The following LRRC7 variants were observed in gnomAD, a reference collection of about 807,000 sequenced individuals.
LRRC7 encodes the protein leucine-rich repeat-containing protein 7.
LRRC7 carries 23 observed loss-of-function variants against 175.7 expected under a neutral mutation model. That is an observed-to-expected ratio of 0.13 (90% CI 0.09 to 0.19). LRRC7 has a LOEUF of 0.19. Among genes scored for constraint, LRRC7 ranks in the 10% least tolerant of loss-of-function variants. LRRC7 has a pLI of 1.00. For synonymous variants in LRRC7, 685 were observed against 680.9 expected, an observed-to-expected ratio of 1.01 and a Z score of -0.09; for missense variants, 1,354 against 1,904.7, an observed-to-expected ratio of 0.71 and a Z score of 5.38.
Position 69,954,082 on chromosome 1 carries a change from G to A in LRRC7, c.711+22512G>A, listed in dbSNP as rs1209637273. ...GTAGTTTCTCAAACACTGTGGAATT[G>A]GTCTACGTTAATGGGGTGACTTATG... On this transcript the variant is annotated intron_variant, in intron 8 of 26. Transcript: ENST00000651989. 2.6e-5 allele frequency among the ~76,000 whole-genome samples: 4 copies of A among 151,984 alleles called. No homozygotes were observed. In the East Asian group the frequency reaches 5.8e-4, roughly 22 times the overall value.
chr1:70,134,045 C>G lies in LRRC7; in HGVS notation c.*12158C>G, dbSNP rs1344949713. 2.0e-5 allele frequency among the ~76,000 whole-genome samples: 3 copies of G among 152,186 alleles called. No homozygotes were observed. Among genetic ancestry groups the G allele is most frequent in the African/African-American group, 7.2e-5 (3 of 41,444 alleles). ...CATCTGGGTATAGCTTTATTTCCAT[C>G]TGGCAATAACTAGGCATCTACAATA... On this transcript the variant is annotated 3_prime_UTR_variant, in exon 27 of 27. Transcript: ENST00000651989.
At chr1:69,926,820 A>C (rs912736996) in intron 7 of LRRC7, among the ~76,000 whole-genome samples, 3 of 152,224 alleles carry the variant, frequency 2.0e-5, no homozygotes, top group Admixed American at 1.3e-4. Flanking sequence ...TAAAGTTAAC[A>C]TTGTTATGTG....
intron 4 of LRRC7, among the ~76,000 whole-genome samples, chr1:69,820,140 T>G (rs986900803): frequency 1.1e-4 from 17 of 152,106 alleles, no homozygotes; most frequent in Non-Finnish European, 2.2e-4. Context: ...GTGATTTAAT[T>G]TTATATGGTG....
At chr1:69,971,717 A>G (rs189239794) in intron 8 of LRRC7, among the ~76,000 whole-genome samples, 149 of 152,296 alleles carry the variant, frequency 9.8e-4, no homozygotes, top group African/African-American at 3.2e-3. Context: ...TACAAATTCA[A>G]TGCAACTCCC....
intron 7 of LRRC7, among the ~76,000 whole-genome samples, chr1:69,907,184 T>C (rs1447444096): frequency 4.6e-5 from 7 of 152,210 alleles, no homozygotes; most frequent in Non-Finnish European, 8.8e-5. Flanking sequence ...GTTTTCTAAA[T>C]ATACAATCAT....
intron 4 of LRRC7, among the ~76,000 whole-genome samples, chr1:69,795,870 A>T (rs989087192): frequency 1.3e-5 from 2 of 151,984 alleles, no homozygotes; most frequent in Admixed American, 1.3e-4. Flanking sequence ...TATTGTGTAC[A>T]GAAAGATATC....
chr1:69,658,365 G>C (rs1311208490), intron 1 of LRRC7, among the ~76,000 whole-genome samples: 1 of 151,908 alleles, frequency 6.6e-6, no homozygotes, highest in Non-Finnish European at 1.5e-5. Context: ...TAAACACCCT[G>C]AAAGTACCTT....
intron 7 of LRRC7, among the ~76,000 whole-genome samples, chr1:69,850,774 T>C (rs193173799): frequency 6.6e-6 from 1 of 152,210 alleles, no homozygotes; most frequent in Admixed American, 6.6e-5. Context: ...ATTGGGAATT[T>C]GATATTGGCA....
intron 7 of LRRC7, among the ~76,000 whole-genome samples, chr1:69,884,737 A>G (rs1156554185): frequency 6.8e-6 from 1 of 146,402 alleles, no homozygotes; most frequent in African/African-American, 2.6e-5. Context: ...ATTCAGTATG[A>G]TATTGGCTGT....
At chr1:69,640,162 T>C (rs1204726235) in intron 1 of LRRC7, among the ~76,000 whole-genome samples, 1 of 151,750 alleles carries the variant, frequency 6.6e-6, no homozygotes, top group Non-Finnish European at 1.5e-5. Context: ...CATTTTACTG[T>C]TGTTAGTTTT....
intron 1 of LRRC7, among the ~76,000 whole-genome samples, chr1:69,603,229 A>G (rs1283391722): frequency 6.6e-6 from 1 of 152,198 alleles, no homozygotes; most frequent in Admixed American, 6.5e-5. Context: ...CTATTCCCAA[A>G]TAAAGTTATA....
At chr1:69,624,079 T>G (rs1651094051) in intron 1 of LRRC7, among the ~76,000 whole-genome samples, 2 of 152,120 alleles carry the variant, frequency 1.3e-5, no homozygotes, top group South Asian at 4.1e-4. Context: ...AAAAAACATA[T>G]ACTCAACTCC....
At chr1:70,055,113 A>G (rs1045509385) in intron 23 of LRRC7, among the ~76,000 whole-genome samples, 2 of 152,078 alleles carry the variant, frequency 1.3e-5, no homozygotes, top group Admixed American at 1.3e-4. Flanking sequence ...TAATTTGACT[A>G]TTGGGTAATA....
chr1:70,042,024 G>A (rs1659946784), intron 21 of LRRC7, among the ~76,000 whole-genome samples: 1 of 152,166 alleles, frequency 6.6e-6, no homozygotes, highest in Non-Finnish European at 1.5e-5. Context: ...AGTTCCCTAG[G>A]TGTCTTTCAT....
intron 23 of LRRC7, among the ~76,000 whole-genome samples, chr1:70,061,781 G>A (rs1001774480): frequency 3.9e-5 from 6 of 152,134 alleles, no homozygotes; most frequent in South Asian, 2.1e-4. Flanking sequence ...CTAGATCTAC[G>A]GAAATGCAAC....
chr1:69,917,972 T>C (rs1041400874), intron 7 of LRRC7, among the ~76,000 whole-genome samples: 6 of 152,226 alleles, frequency 3.9e-5, no homozygotes, highest in African/African-American at 1.2e-4. Context: ...CATGTGATTT[T>C]CATAACAAGT....
rs1666484665 is a variant in LRRC7 at position 70,127,115 on chromosome 1, T to A, written c.*5228T>A. Among the ~76,000 whole-genome samples the A allele has an allele frequency of 1.3e-5, 2 of 152,214 alleles. No homozygotes were observed. Among genetic ancestry groups the A allele is most frequent in the Non-Finnish European group, 2.9e-5 (2 of 68,034 alleles). On this transcript the variant is annotated 3_prime_UTR_variant, in exon 27 of 27. Transcript: ENST00000651989. ...CTAAGGCCCAAAGATGGAGTGCTTA[T>A]AATGTTACTGACAACAACAAACAAA...
intron 25 of LRRC7, among the ~76,000 whole-genome samples, chr1:70,101,949 A>G (rs913115110): frequency 2.0e-5 from 3 of 152,148 alleles, no homozygotes; most frequent in Admixed American, 6.5e-5. Context: ...ATTCTTTTGA[A>G]AGGAGCTTCC....
chr1:69,904,431 C>T (rs1262874243), intron 7 of LRRC7, among the ~76,000 whole-genome samples: 2 of 152,038 alleles, frequency 1.3e-5, no homozygotes, highest in Admixed American at 1.3e-4. Context: ...TTGGAAATCA[C>T]TCTGATATCC....
Sources: allele counts gnomAD v4.1 joint callset (sites outside exome capture counted in the v4.1 genomes callset), GRCh38; gene constraint gnomAD v4.1.1; transcripts MANE v1.5; gene names NCBI Gene and HGNC (gene_info 2026-07-23, HGNC 2026-07-21).